The following IGFL2 variants were observed in gnomAD, a reference collection of about 807,000 sequenced individuals.
The protein encoded by IGFL2 is IGF like family member 2.
Under a neutral mutation model 13.9 loss-of-function variants are expected in IGFL2, and 7 were observed. That is an observed-to-expected ratio of 0.51 (90% CI 0.29 to 0.95). The LOEUF (loss-of-function observed/expected upper bound fraction) is 0.95, where lower values mean the gene tolerates loss of function less well. Among genes scored for constraint, IGFL2 ranks in the 40% least tolerant of loss-of-function variants. The pLI is 0.08. For synonymous variants in IGFL2, 55 were observed against 55.8 expected (o/e 0.99, Z 0.07); for missense variants, 138 against 147.8 (o/e 0.93, Z 0.34).
chr19:46,084,375 T>C, the IGFL2 span, among the ~76,000 whole-genome samples: 1 of 152,190 alleles, frequency 6.6e-6, no homozygotes, highest in Non-Finnish European at 1.5e-5. Context: ...GATCTGTCCA[T>C]TGCTGAAAGT....
At chr19:46,130,651 A>T in the IGFL2 span, among the ~76,000 whole-genome samples, 66 of 152,342 alleles carry the variant, frequency 4.3e-4, no homozygotes, top group Admixed American at 1.2e-3. Context: ...TAAAAAATAA[A>T]GTGAGCAAGA....
At chr19:46,167,700 T>A in the IGFL2 span, among the ~76,000 whole-genome samples, 17 of 152,198 alleles carry the variant, frequency 1.1e-4, no homozygotes, top group Non-Finnish European at 5.9e-5. Context: ...TAATTGAATG[T>A]GGAGCCTCTA....
At chr19:46,155,245 G>A (rs1973753553) in intron 1 of IGFL2, among the ~76,000 whole-genome samples, 1 of 152,226 alleles carries the variant, frequency 6.6e-6, no homozygotes, top group African/African-American at 2.4e-5. Flanking sequence ...GCAACATGGA[G>A]ACAGTAGGAT....
upstream of IGFL2, among the ~76,000 whole-genome samples, chr19:46,145,308 CTCTCTT>C (rs1973063956): frequency 6.6e-6 from 1 of 152,016 alleles, no homozygotes; most frequent in African/African-American, 2.4e-5. Flanking sequence ...TTCTCTCTCT[CTCTCTT>C]TCATATATGT....
the IGFL2 span, among the ~76,000 whole-genome samples, chr19:46,116,578 T>C: frequency 6.6e-6 from 1 of 152,244 alleles, no homozygotes; most frequent in Non-Finnish European, 1.5e-5. Flanking sequence ...GGTTTCACTC[T>C]GTTGCACAGG....
downstream of IGFL2, among the ~76,000 whole-genome samples, chr19:46,161,898 T>C (rs912738317): frequency 6.6e-6 from 1 of 152,230 alleles, no homozygotes; most frequent in Non-Finnish European, 1.5e-5. Context: ...TTTGTGTGGT[T>C]GCTTTATAGT....
At chr19:46,078,567 C>T in the IGFL2 span, among the ~76,000 whole-genome samples, 4 of 152,234 alleles carry the variant, frequency 2.6e-5, no homozygotes, top group Non-Finnish European at 5.9e-5. Flanking sequence ...GCCTTCACTC[C>T]CTAACCCATT....
the IGFL2 span, among the ~76,000 whole-genome samples, chr19:46,177,281 TA>T: frequency 6.6e-6 from 1 of 152,040 alleles, no homozygotes; most frequent in African/African-American, 2.4e-5. Flanking sequence ...TAATCCCAGC[TA>T]ATGGGGAGGC....
At chr19:46,135,035 T>C in the IGFL2 span, among the ~76,000 whole-genome samples, 1 of 152,234 alleles carries the variant, frequency 6.6e-6, no homozygotes, top group Non-Finnish European at 1.5e-5. Context: ...ACTATCTTGA[T>C]AATATCTGTA....
chr19:46,160,432 G>T lies in IGFL2; in HGVS notation c.37G>T (p.Val13Phe). ...PRIFAPAYVS[V>F]CLLLLCPREV... The stretch of plus-strand genomic sequence containing the variant: ...TCTCCCAGCTCCTGCTTATGTGTCA[G>T]TCTGTCTCCTCCTCTTGTGTCCAAG... Residue 13 changes from valine (V) to phenylalanine (F), a missense_variant, in exon 2 of 4, where the codon GTC (valine) becomes TTC (phenylalanine). By Grantham distance (50) the Val-to-Phe change is conservative. Coordinates refer to ENST00000377693, the MANE Select transcript of IGFL2 (RefSeq NM_001135113.2). 3 of 1,613,624 alleles carry T rather than the reference G, an allele frequency of 1.9e-6. No individual in the cohort carries two copies. The highest frequency in any genetic ancestry group is 2.5e-6 in the Non-Finnish European group (3 of 1,179,698).
chr19:46,086,215 C>A, the IGFL2 span, among the ~76,000 whole-genome samples: 2 of 151,966 alleles, frequency 1.3e-5, no homozygotes. Flanking sequence ...CATTCATAGC[C>A]CGAATTGTTT....
At chr19:46,167,282 A>T in the IGFL2 span, among the ~76,000 whole-genome samples, 1 of 152,290 alleles carries the variant, frequency 6.6e-6, no homozygotes, top group Non-Finnish European at 1.5e-5. Flanking sequence ...CACCACTATG[A>T]CATAAAGACA....
At chr19:46,185,259 C>T in the IGFL2 span, among the ~76,000 whole-genome samples, 1 of 152,308 alleles carries the variant, frequency 6.6e-6, no homozygotes, top group East Asian at 1.9e-4. Context: ...CTCAGTTCCT[C>T]TCTTCTTCTC....
At chr19:46,165,167 T>C (rs1457623396), downstream of IGFL2, among the ~76,000 whole-genome samples, 3 of 152,200 alleles carry the variant, frequency 2.0e-5, no homozygotes, top group African/African-American at 7.2e-5. Context: ...ATACAAACCT[T>C]GGGTGTTCTA....
At chr19:46,195,019 C>CT in the IGFL2 span, 54,291 of 135,180 alleles carry the variant, frequency 0.4, 12,766 homozygotes, top group Non-Finnish European at 0.54. Flanking sequence ...CTGACCAAGA[C>CT]TTTTTTTTTT....
the IGFL2 span, among the ~76,000 whole-genome samples, chr19:46,120,769 T>TAAA: frequency 2.0e-5 from 3 of 150,748 alleles, no homozygotes; most frequent in Non-Finnish European, 4.4e-5. Context: ...ATGCATATAG[T>TAAA]AAAAAAATGT....
At chr19:46,137,057 G>A in the IGFL2 span, 1 of 1,596,808 alleles carries the variant, frequency 6.3e-7, no homozygotes, top group East Asian at 2.2e-5. Context: ...TGATGGACGA[G>A]CCAAAACTGA....
At chr19:46,204,780 T>G in the IGFL2 span, 2 of 152,256 alleles carry the variant, frequency 1.3e-5, no homozygotes, top group Admixed American at 6.5e-5. Flanking sequence ...GTTGTTGTTT[T>G]GTTTTTTGTT....
chr19:46,139,802 C>G (rs1489520490), upstream of IGFL2, among the ~76,000 whole-genome samples: 3 of 152,068 alleles, frequency 2.0e-5, no homozygotes, highest in Non-Finnish European at 4.4e-5. Context: ...ATACAACTAA[C>G]ACACATAACC....
Sources: allele counts gnomAD v4.1 joint callset (sites outside exome capture counted in the v4.1 genomes callset), GRCh38; gene constraint gnomAD v4.1.1; transcripts MANE v1.5; gene names NCBI Gene and HGNC (gene_info 2026-07-23, HGNC 2026-07-21).